CNOT6: variants seen among roughly 807,000 people sequenced by gnomAD.
The protein encoded by CNOT6 is carbon catabolite repression 4 protein.
A neutral mutation model predicts 61.2 loss-of-function variants in CNOT6; 12 were observed. That is an observed-to-expected ratio of 0.20 (90% CI 0.13 to 0.32). The LOEUF is 0.32. Among genes scored for constraint, CNOT6 ranks in the 10% least tolerant of loss-of-function variants. CNOT6 has a pLI of 1.00. For missense variants in CNOT6, 405 were observed against 663.9 expected, an observed-to-expected ratio of 0.61 and a Z score of 4.28; for synonymous variants, 225 against 240.6, an observed-to-expected ratio of 0.94 and a Z score of 0.60.
chr5:180,552,518 C>T (rs954852220), intron 3 of CNOT6, among the ~76,000 whole-genome samples: 30 of 151,674 alleles, frequency 2.0e-4, no homozygotes, highest in Admixed American at 1.1e-3. Context: ...TGGTGGCAGG[C>T]ACCTGTAGTC....
rs538724250 is a variant in CNOT6, at chr5:180,547,981, G to A, written c.113-1950G>A. On this transcript the variant is annotated intron_variant, in intron 2 of 11. Transcript: ENST00000261951. ...ACTCCTGACTTCAGGTGATCTGCCC[G>A]CCTCAGCTTCCCAAAGTGCTGGGAT... is the stretch of plus-strand genomic sequence containing the variant. 1.2e-4 allele frequency among the ~76,000 whole-genome samples: 18 copies of A among 152,250 alleles called. 1 individual carries two copies. Among genetic ancestry groups the A allele is most frequent in the Admixed American group, 7.2e-4 (11 of 15,282 alleles).
At chr5:180,500,006 A>G (rs1267487636) in intron 1 of CNOT6, among the ~76,000 whole-genome samples, 1 of 152,226 alleles carries the variant, frequency 6.6e-6, no homozygotes, top group Non-Finnish European at 1.5e-5. Context: ...GTGACAGAAT[A>G]GCACATAAAT....
intron 11 of CNOT6, among the ~76,000 whole-genome samples, chr5:180,573,548 G>A (rs1467629540): frequency 7.1e-6 from 1 of 140,974 alleles, no homozygotes; most frequent in Non-Finnish European, 1.5e-5. Context: ...TGGTGGAGGG[G>A]GGCAGTGTGT....
intron 3 of CNOT6, among the ~76,000 whole-genome samples, chr5:180,552,701 C>T (rs899421883): frequency 3.3e-5 from 5 of 152,090 alleles, no homozygotes; most frequent in South Asian, 2.1e-4. Flanking sequence ...CCACTGTGTC[C>T]GTATTGGGTC....
chr5:180,567,165 T>G lies in CNOT6; in HGVS notation c.795T>G (p.Pro265=), dbSNP rs772917974. 1.2e-6 allele frequency: 2 copies of G among 1,614,034 alleles called. No individual in the cohort carries two copies. The highest frequency in any genetic ancestry group is 1.7e-6 in the Non-Finnish European group (2 of 1,179,924). Residue 265 remains proline (P), a synonymous_variant, in exon 8 of 12, where the codon CCT becomes CCG. Coordinates refer to ENST00000261951, the MANE Select transcript of CNOT6 (RefSeq NM_001370472.1). ...KERGYNGFFS[P]KSRARTMSEQ... ...GTGGCTATAATGGATTCTTCAGTCC[T>G]AAGTCTAGAGCTAGGACAATGTCAG...
chr5:180,536,682 C>T (rs1758717082), intron 2 of CNOT6, among the ~76,000 whole-genome samples: 1 of 152,168 alleles, frequency 6.6e-6, no homozygotes, highest in Admixed American at 6.5e-5. Context: ...GCCATCTCGG[C>T]TCACTGCAGC....
At position 180,574,163 on chromosome 5, in the gene CNOT6, C is replaced by G. The variant is rs758227124; in HGVS notation, c.1637C>G (p.Pro546Arg). The G allele has an allele frequency of 6.2e-7, 1 of 1,614,092 alleles. No individual in the cohort carries two copies. The highest frequency in any genetic ancestry group is 1.1e-5 in the South Asian group (1 of 91,072). ...AQLELLLPFLPQVNGIHLPGR... is the reference protein window; with the variant it reads ...AQLELLLPFLRQVNGIHLPGR... ...CTGGAGCTCTTACTGCCTTTCCTGC[C>G]CCAAGTCAACGGCATCCACCTTCCT... Residue 546 changes from proline to arginine, a missense_variant, in exon 12 of 12, where the codon CCC becomes CGC. Pro to Arg is a moderately radical substitution (Grantham distance 103, BLOSUM62 -2). Transcript: ENST00000261951.
chr5:180,561,179 C>T (rs1760164622), intron 4 of CNOT6, among the ~76,000 whole-genome samples: 1 of 152,200 alleles, frequency 6.6e-6, no homozygotes, highest in Admixed American at 6.5e-5. Context: ...TCTCGAACTC[C>T]TGGCCTCAAG....
intron 2 of CNOT6, among the ~76,000 whole-genome samples, chr5:180,530,818 C>T (rs966436636): frequency 2.6e-5 from 4 of 152,134 alleles, no homozygotes; most frequent in African/African-American, 9.7e-5. Context: ...GCACATCTTG[C>T]ACCGCCCTTA....
chr5:180,531,014 A>AT (rs1758337018), intron 2 of CNOT6, among the ~76,000 whole-genome samples: 1 of 152,000 alleles, frequency 6.6e-6, no homozygotes, highest in African/African-American at 2.4e-5. Context: ...TTTTCCCCAC[A>AT]TTTCCCCCTT....
At chr5:180,566,105 T>A in intron 7 of CNOT6, 128 bp downstream of exon 7, 1 of 867,614 alleles carries the variant, frequency 1.2e-6, no homozygotes, top group Non-Finnish European at 1.7e-6. Flanking sequence ...CTGTTATTAG[T>A]GAATCCTGGG....
Position 180,507,463 on chromosome 5 carries a change from G to A in CNOT6, c.-3+12700G>A, listed in dbSNP as rs148201036. 1.5e-4 allele frequency among the ~76,000 whole-genome samples: 23 copies of A among 152,192 alleles called. No homozygotes were observed. In the East Asian group the frequency reaches 3.9e-3, roughly 26 times the overall value. ...AAAAATACAAAAAAATTAGCCAGGCGTGGTGGTGGGTGCCTGTAATCCCAG... is the reference window on the plus strand; with the variant it reads ...AAAAATACAAAAAAATTAGCCAGGCATGGTGGTGGGTGCCTGTAATCCCAG... On this transcript the variant is annotated intron_variant, in intron 1 of 11. Transcript: ENST00000261951.
At chr5:180,556,643 A>C (rs1160205293) in intron 4 of CNOT6, among the ~76,000 whole-genome samples, 1 of 152,114 alleles carries the variant, frequency 6.6e-6, no homozygotes, top group Non-Finnish European at 1.5e-5. Context: ...CACTGCTTCT[A>C]AGTTTTGCTA....
At chr5:180,570,030 C>T (rs1760664741) in intron 10 of CNOT6, among the ~76,000 whole-genome samples, 3 of 152,092 alleles carry the variant, frequency 2.0e-5, no homozygotes, top group African/African-American at 7.2e-5. Flanking sequence ...TTTGGAAGCA[C>T]GTTCTTGACA....
At chr5:180,531,234 G>A (rs143151707) in intron 2 of CNOT6, among the ~76,000 whole-genome samples, 40,871 of 148,512 alleles carry the variant, frequency 0.28, 6,221 homozygotes, top group Middle Eastern at 0.41. Flanking sequence ...CAGACGGGGC[G>A]GCTGCCGGGC....
At chr5:180,573,930 A>T (rs953347176) in intron 11 of CNOT6, 58 bp from the exon 12 acceptor site, 45 of 1,158,896 alleles carry the variant, frequency 3.9e-5, no homozygotes, top group Non-Finnish European at 5.9e-5. Context: ...TCTTGAAAGC[A>T]CTGAGGATTT....
chr5:180,557,828 C>T (rs1759974238), intron 4 of CNOT6, among the ~76,000 whole-genome samples: 2 of 152,080 alleles, frequency 1.3e-5, no homozygotes, highest in African/African-American at 4.8e-5. Flanking sequence ...GTTTTATGGT[C>T]TTATGTTACA....
intron 2 of CNOT6, among the ~76,000 whole-genome samples, chr5:180,537,814 T>TA (rs1758776794): frequency 6.6e-6 from 1 of 151,814 alleles, no homozygotes; most frequent in South Asian, 2.1e-4. Flanking sequence ...CTTTTTTTTT[T>TA]TTTTGGTGTA....
intron 3 of CNOT6, among the ~76,000 whole-genome samples, chr5:180,553,049 G>A (rs1455435046): frequency 6.6e-6 from 1 of 152,310 alleles, no homozygotes; most frequent in African/African-American, 2.4e-5. Context: ...GTGACCTGGT[G>A]CCAGTTTGCA....
Sources: allele counts gnomAD v4.1 joint callset (sites outside exome capture counted in the v4.1 genomes callset), GRCh38; gene constraint gnomAD v4.1.1; transcripts MANE v1.5; gene names NCBI Gene and HGNC (gene_info 2026-07-23, HGNC 2026-07-21).